ANKMY2: variants seen among roughly 807,000 people sequenced by gnomAD.
The protein encoded by ANKMY2 is ankyrin repeat and MYND domain-containing protein 2.
In ANKMY2, 36 loss-of-function variants were observed where a neutral mutation model predicts 50.4. That is an observed-to-expected ratio of 0.71 (90% CI 0.55 to 0.94). ANKMY2 has a LOEUF of 0.94. ANKMY2 is among the 40% of genes least tolerant of loss of function. ANKMY2 has a pLI of 0.00. For missense variants in ANKMY2, 565 were observed against 524.0 expected (o/e 1.08, Z -0.76); for synonymous variants, 187 against 178.8 (o/e 1.05, Z -0.36).
chr7:16,604,978 G>T, intron 7 of ANKMY2, 129 bp from the exon 8 acceptor site: 1 of 881,170 alleles, frequency 1.1e-6, no homozygotes, highest in Non-Finnish European at 1.6e-6. Flanking sequence ...TAAGGCTATA[G>T]ATTACACAGG....
intron 2 of ANKMY2, among the ~76,000 whole-genome samples, chr7:16,635,262 T>C (rs1362413173): frequency 6.6e-6 from 1 of 152,184 alleles, no homozygotes; most frequent in East Asian, 1.9e-4. Flanking sequence ...AGAGTACTTA[T>C]TGTGTGATCT....
intron 2 of ANKMY2, among the ~76,000 whole-genome samples, 200 bp from the exon 3 acceptor site, chr7:16,627,378 T>C (rs570628839): frequency 1.3e-5 from 2 of 152,328 alleles, no homozygotes; most frequent in African/African-American, 4.8e-5. Flanking sequence ...TGGAGATTTT[T>C]TTACGGATTA....
At chr7:16,610,784 C>T in intron 5 of ANKMY2, 21 bp from the exon 6 acceptor site, 2 of 1,606,176 alleles carry the variant, frequency 1.2e-6, no homozygotes, top group East Asian at 2.2e-5. Flanking sequence ...TCCCAGTGTA[C>T]TCAGGTATTA....
intron 2 of ANKMY2, among the ~76,000 whole-genome samples, chr7:16,631,271 A>G (rs1448246231): frequency 2.0e-5 from 3 of 152,230 alleles, no homozygotes; most frequent in Non-Finnish European, 4.4e-5. Context: ...TTACTTGGCT[A>G]TGATATCTTA....
At chr7:16,608,534 C>T (rs1381674487) in intron 7 of ANKMY2, among the ~76,000 whole-genome samples, 1 of 152,072 alleles carries the variant, frequency 6.6e-6, no homozygotes, top group African/African-American at 2.4e-5. Flanking sequence ...CATAACAACC[C>T]AGAGAGAAGG....
intron 4 of ANKMY2, among the ~76,000 whole-genome samples, chr7:16,617,785 G>A (rs1420775623): frequency 1.3e-5 from 2 of 151,836 alleles, no homozygotes; most frequent in Admixed American, 1.3e-4. Context: ...GGGTAACACA[G>A]CACAAACCCG....
chr7:16,609,212 A>G (rs1381014223), intron 7 of ANKMY2, among the ~76,000 whole-genome samples: 1 of 152,160 alleles, frequency 6.6e-6, no homozygotes, highest in African/African-American at 2.4e-5. Flanking sequence ...GAGCCTTCCC[A>G]TGGCTTATCC....
chr7:16,638,699 C>G (rs1250750712), intron 1 of ANKMY2, among the ~76,000 whole-genome samples: 1 of 152,156 alleles, frequency 6.6e-6, no homozygotes, highest in Non-Finnish European at 1.5e-5. Flanking sequence ...CTAATCATGG[C>G]TTGGACTTTC....
intron 2 of ANKMY2, among the ~76,000 whole-genome samples, chr7:16,628,986 A>G (rs1317780043): frequency 1.3e-5 from 2 of 152,234 alleles, no homozygotes; most frequent in Admixed American, 1.3e-4. Flanking sequence ...TAATCTGCTT[A>G]AGAGCAAAAG....
At position 16,604,703 on chromosome 7, in the gene ANKMY2, AAAG is replaced by A; in HGVS notation, c.1011+15_1011+17del. 1 of 1,610,986 alleles carries A rather than the reference AAAG, an allele frequency of 6.2e-7. No homozygotes were observed. The highest frequency in any genetic ancestry group is 8.5e-7 in the Non-Finnish European group (1 of 1,178,130). On this transcript the variant is annotated intron_variant, in intron 8 of 9. Coordinates refer to ENST00000306999, the MANE Select transcript of ANKMY2 (RefSeq NM_020319.3). ...TCTAAACCAGAGGTCAATGAAATAA[AAAG>A]AACTCCATTCTTACCATTTTGCAAA... is the stretch of plus-strand genomic sequence containing the variant.
chr7:16,603,900 G>A (rs1237205815), intron 8 of ANKMY2, among the ~76,000 whole-genome samples: 2 of 152,230 alleles, frequency 1.3e-5, no homozygotes, highest in Non-Finnish European at 2.9e-5. Flanking sequence ...AACTGTGAGA[G>A]AAAGACTAAA....
chr7:16,642,078 C>T (rs552539962), intron 1 of ANKMY2, among the ~76,000 whole-genome samples: 6 of 151,344 alleles, frequency 4.0e-5, no homozygotes, highest in African/African-American at 1.5e-4. Flanking sequence ...TAAGAAAAAG[C>T]CTTATTATCC....
At chr7:16,614,491 A>T (rs1387867544) in intron 5 of ANKMY2, among the ~76,000 whole-genome samples, 5 of 152,198 alleles carry the variant, frequency 3.3e-5, no homozygotes, top group African/African-American at 9.7e-5. Flanking sequence ...GGGCCTAGAA[A>T]ATTAATTTGG....
chr7:16,616,203 A>C (rs1344982721), intron 4 of ANKMY2, among the ~76,000 whole-genome samples: 1 of 152,214 alleles, frequency 6.6e-6, no homozygotes, highest in Non-Finnish European at 1.5e-5. Flanking sequence ...AGTATTTTCT[A>C]ACAGTTGCTT....
intron 3 of ANKMY2, among the ~76,000 whole-genome samples, chr7:16,626,750 A>C (rs1781512280): frequency 6.6e-6 from 1 of 152,220 alleles, no homozygotes; most frequent in Admixed American, 6.5e-5. Context: ...AAGATATAGA[A>C]CATCAAAGGA....
intron 4 of ANKMY2, among the ~76,000 whole-genome samples, chr7:16,623,133 A>C (rs1279475676): frequency 6.6e-6 from 1 of 152,208 alleles, no homozygotes; most frequent in Non-Finnish European, 1.5e-5. Flanking sequence ...CATTTTTAAA[A>C]AATGACAAAA....
chr7:16,603,453 T>C (rs755445967), intron 8 of ANKMY2: 3 of 332,394 alleles, frequency 9.0e-6, no homozygotes, highest in Non-Finnish European at 1.8e-5. Context: ...AAGTGAATGA[T>C]ATGTTCAAGA....
intron 2 of ANKMY2, among the ~76,000 whole-genome samples, chr7:16,627,479 A>G (rs1479252550): frequency 6.6e-6 from 1 of 152,188 alleles, no homozygotes; most frequent in Non-Finnish European, 1.5e-5. Flanking sequence ...AAACATACTT[A>G]CTTTCTCAGA....
At chr7:16,613,366 C>G (rs1781287965) in intron 5 of ANKMY2, among the ~76,000 whole-genome samples, 1 of 152,022 alleles carries the variant, frequency 6.6e-6, no homozygotes, top group South Asian at 2.1e-4. Flanking sequence ...ATAGGAAATG[C>G]CATGCTAGCT....
Sources: gnomAD v4.1 joint callset for allele counts (sites outside exome capture counted in the v4.1 genomes callset) on GRCh38, gnomAD v4.1.1 for gene constraint, MANE v1.5 for transcripts, NCBI Gene and HGNC (gene_info 2026-07-23, HGNC 2026-07-21) for gene names.